SWAP70: variants seen among roughly 807,000 people sequenced by gnomAD.
The protein encoded by SWAP70 is switching B cell complex subunit SWAP70, also known as switch-associated protein 70.
A neutral mutation model predicts 80.2 loss-of-function variants in SWAP70; 34 were observed. That is an observed-to-expected ratio of 0.42 (90% CI 0.32 to 0.56). SWAP70 has a LOEUF of 0.56. Ranked by LOEUF, SWAP70 falls within the 20% of genes least tolerant of loss-of-function variation. The pLI is 0.09. For synonymous variants in SWAP70, 239 were observed against 238.5 expected (o/e 1.00, Z -0.02); for missense variants, 578 against 690.7 (o/e 0.84, Z 1.83).
At chr11:9,683,981 A>T (rs1002749004) in intron 1 of SWAP70, among the ~76,000 whole-genome samples, 5 of 152,136 alleles carry the variant, frequency 3.3e-5, no homozygotes, top group African/African-American at 1.2e-4. Context: ...GGGAAACCTC[A>T]CATTTGTGAT....
intron 1 of SWAP70, among the ~76,000 whole-genome samples, chr11:9,693,109 A>G (rs1208119812): frequency 6.6e-6 from 1 of 152,246 alleles, no homozygotes; most frequent in Non-Finnish European, 1.5e-5. Flanking sequence ...GAAAGTATTT[A>G]TTGAGATGAA....
intron 10 of SWAP70, 104 bp from the exon 11 acceptor site, chr11:9,748,983 T>C: frequency 1.8e-6 from 1 of 563,046 alleles, no homozygotes; most frequent in Non-Finnish European, 3.1e-6. Flanking sequence ...TATGAGAGGA[T>C]TTAATGAGAT....
At chr11:9,672,219 A>ATATG (rs1364882155) in intron 1 of SWAP70, among the ~76,000 whole-genome samples, 2 of 134,102 alleles carry the variant, frequency 1.5e-5, no homozygotes, top group Non-Finnish European at 3.2e-5. Flanking sequence ...ATATATATAT[A>ATATG]TATATATATG....
chr11:9,707,999 C>A (rs12272045), intron 2 of SWAP70, among the ~76,000 whole-genome samples: 50,208 of 151,642 alleles, frequency 0.33, 8,514 homozygotes, highest in Non-Finnish European at 0.36. Context: ...AGAAGTGTAC[C>A]CTGCACCCAA....
chr11:9,718,148 A>T (rs557781959), intron 3 of SWAP70, among the ~76,000 whole-genome samples: 2 of 152,234 alleles, frequency 1.3e-5, no homozygotes, highest in East Asian at 3.8e-4. Flanking sequence ...AGTTAATCTC[A>T]TTTGAGAAGT....
At chr11:9,748,749 T>C (rs1478189066) in intron 10 of SWAP70, among the ~76,000 whole-genome samples, 1 of 152,212 alleles carries the variant, frequency 6.6e-6, no homozygotes, top group Non-Finnish European at 1.5e-5. Context: ...AGGGTGGATT[T>C]GGAGTGGAGA....
At chr11:9,668,993 A>T (rs1184036922) in intron 1 of SWAP70, among the ~76,000 whole-genome samples, 1 of 152,182 alleles carries the variant, frequency 6.6e-6, no homozygotes, top group African/African-American at 2.4e-5. Context: ...CTCCAGATAG[A>T]GATTATATTA....
chr11:9,739,563 A>G (rs1157812023), intron 8 of SWAP70, among the ~76,000 whole-genome samples: 1 of 152,256 alleles, frequency 6.6e-6, no homozygotes, highest in Non-Finnish European at 1.5e-5. Flanking sequence ...TGTTATATTT[A>G]GGATGTTCTT....
chr11:9,725,544 TATATATATATATATATATATATATA>T (rs1564829386), intron 4 of SWAP70, among the ~76,000 whole-genome samples: 1 of 8,832 alleles, frequency 1.1e-4, no homozygotes, highest in African/African-American at 3.4e-4. Flanking sequence ...TATATATATA[TATATATATATATATATATATATATA>T]TTTTTTTTTT....
chr11:9,730,940 C>T (rs1252801583), intron 6 of SWAP70, among the ~76,000 whole-genome samples: 3 of 152,166 alleles, frequency 2.0e-5, no homozygotes, highest in African/African-American at 4.8e-5. Flanking sequence ...CTCTACCTCC[C>T]GTCCCAGTAG....
chr11:9,748,100 A>G, intron 10 of SWAP70, 44 bp downstream of exon 10: 19 of 1,569,430 alleles, frequency 1.2e-5, no homozygotes, highest in Non-Finnish European at 1.6e-5. Context: ...TAAATTTTTG[A>G]AAAACATTTC....
intron 1 of SWAP70, among the ~76,000 whole-genome samples, chr11:9,678,543 C>CT (rs72123125): frequency 0.033 from 2,520 of 76,922 alleles, 121 homozygotes; most frequent in African/African-American, 0.079. Context: ...CTCTGAGGTG[C>CT]TTTTTTTTTT....
At chr11:9,748,864 G>A (rs1323203465) in intron 10 of SWAP70, among the ~76,000 whole-genome samples, 1 of 152,166 alleles carries the variant, frequency 6.6e-6, no homozygotes, top group Non-Finnish European at 1.5e-5. Flanking sequence ...TTCCAATTCT[G>A]GCTCTACCAT....
At chr11:9,720,115 A>C in intron 3 of SWAP70, 2 of 985,380 alleles carry the variant, frequency 2.0e-6, no homozygotes, top group Non-Finnish European at 2.4e-6. Context: ...ATGATTTATT[A>C]TTTAGTATAA....
At chr11:9,698,279 T>G (rs546813672) in intron 2 of SWAP70, among the ~76,000 whole-genome samples, 1 of 152,218 alleles carries the variant, frequency 6.6e-6, no homozygotes, top group Non-Finnish European at 1.5e-5. Flanking sequence ...TTTTGCATTT[T>G]TTGTTGAGAT....
chr11:9,714,786 G>T (rs1164454085), intron 3 of SWAP70, among the ~76,000 whole-genome samples: 1 of 150,436 alleles, frequency 6.6e-6, no homozygotes, highest in African/African-American at 2.5e-5. Flanking sequence ...AGCCACACTG[G>T]CTGATTCAAG....
At chr11:9,716,548 CT>C (rs1258135814) in intron 3 of SWAP70, among the ~76,000 whole-genome samples, 1 of 152,190 alleles carries the variant, frequency 6.6e-6, no homozygotes, top group Non-Finnish European at 1.5e-5. Context: ...TAACTACTTT[CT>C]TCATTGGACT....
At chr11:9,733,077 A>G (rs1005253047) in intron 7 of SWAP70, among the ~76,000 whole-genome samples, 15 of 152,116 alleles carry the variant, frequency 9.9e-5, no homozygotes, top group African/African-American at 3.6e-4. Flanking sequence ...CTTAGCTCCC[A>G]TCTTCACTCA....
rs1258435691 is a variant in SWAP70, at chr11:9,671,343, A to T, written c.99+7065A>T. ...ATATAAAAATATATAAATATATTTA[A>T]AAATATAAATATATAAATAAAATAA... On this transcript the variant is annotated intron_variant, in intron 1 of 11. Transcript: ENST00000318950. 7.2e-4 allele frequency among the ~76,000 whole-genome samples: 83 copies of T among 115,716 alleles called. 1 individual carries two copies. The highest frequency in any genetic ancestry group is 2.8e-3 in the South Asian group (11 of 3,980). 75.9% of individuals were successfully genotyped at this position (115,716 alleles called of 152,430 possible).
Sources: gnomAD v4.1 joint callset for allele counts (sites outside exome capture counted in the v4.1 genomes callset) on GRCh38, gnomAD v4.1.1 for gene constraint, MANE v1.5 for transcripts, NCBI Gene and HGNC (gene_info 2026-07-23, HGNC 2026-07-21) for gene names.